ENTHD1: variants seen among roughly 807,000 people sequenced by gnomAD.
ENTHD1 encodes the protein ENTH domain containing 1.
In ENTHD1, 23 loss-of-function variants were observed where a neutral mutation model predicts 39.1. The observed-to-expected ratio is 0.59, with a 90% CI of 0.42 to 0.83. The LOEUF is 0.83. Ranked by LOEUF, ENTHD1 falls within the 40% of genes least tolerant of loss-of-function variation. ENTHD1 has a pLI of 0.00. For missense variants in ENTHD1, 624 were observed against 705.4 expected (o/e 0.88, Z 1.31); for synonymous variants, 230 against 258.2 (o/e 0.89, Z 1.05).
chr22:39,886,681 G>A (rs930965226), intron 2 of ENTHD1, among the ~76,000 whole-genome samples: 4 of 152,118 alleles, frequency 2.6e-5, no homozygotes, highest in Admixed American at 2.6e-4. Flanking sequence ...ACAGTAGCTA[G>A]AGAGGAAGCA....
chr22:39,879,322 G>A (rs932290709), intron 2 of ENTHD1, among the ~76,000 whole-genome samples: 13 of 151,622 alleles, frequency 8.6e-5, no homozygotes, highest in African/African-American at 3.1e-4. Flanking sequence ...AATTAGCTCG[G>A]TGTGGTGGTG....
At chr22:39,791,321 ATATAT>A (rs2056215584) in intron 5 of ENTHD1, among the ~76,000 whole-genome samples, 1 of 148,302 alleles carries the variant, frequency 6.7e-6, no homozygotes. Flanking sequence ...ATATATAAAG[ATATAT>A]TAAATATATA....
rs144276420 is a variant in ENTHD1 at position 39,770,030 on chromosome 22, A to G, written c.833-4421T>C. ...AGCATCTTCATTCAAAGATAGTTGTATCTTGTTAGGTAGACAAAGAGGGTT... is the reference window on the plus strand; with the variant it reads ...AGCATCTTCATTCAAAGATAGTTGTGTCTTGTTAGGTAGACAAAGAGGGTT... On this transcript the variant is annotated intron_variant, in intron 5 of 6. Transcript: ENST00000325157. 2.6e-5 allele frequency among the ~76,000 whole-genome samples: 4 copies of G among 152,322 alleles called. No homozygotes were observed. The East Asian group carries it at 7.7e-4, about 29-fold the overall frequency.
Position 39,826,849 on chromosome 22 carries a change from TA to T in ENTHD1, c.712-5737del, listed in dbSNP as rs113990842. Among the ~76,000 whole-genome samples, 667 of 137,234 alleles carry T rather than the reference TA, an allele frequency of 4.9e-3. 1 individual carries two copies. Among genetic ancestry groups the T allele is most frequent in the Admixed American group, 5.4e-3 (74 of 13,700 alleles). The allele number at this position is 137,234 out of a possible 152,430, so 90.0% of individuals were successfully genotyped here. ...AAGATGGCTCTAAAAAATAGTCTGTTAAAAAAAAAAAAAAAGATCAGAGTGA... is the reference window on the plus strand; with the variant it reads ...AAGATGGCTCTAAAAAATAGTCTGTTAAAAAAAAAAAAAAGATCAGAGTGA... On this transcript the variant is annotated intron_variant, in intron 4 of 6. Transcript: ENST00000325157.
chr22:39,793,740 G>T (rs2065524182), intron 5 of ENTHD1, among the ~76,000 whole-genome samples: 1 of 152,020 alleles, frequency 6.6e-6, no homozygotes, highest in Non-Finnish European at 1.5e-5. Flanking sequence ...GTATATTCTT[G>T]GCATCTTTGT....
At chr22:39,783,559 A>G (rs2065429197) in intron 5 of ENTHD1, among the ~76,000 whole-genome samples, 1 of 152,172 alleles carries the variant, frequency 6.6e-6, no homozygotes, top group African/African-American at 2.4e-5. Context: ...GCACAGACCA[A>G]TGGAACAGAA....
At chr22:39,826,134 C>T (rs1421158510) in intron 4 of ENTHD1, among the ~76,000 whole-genome samples, 3 of 152,152 alleles carry the variant, frequency 2.0e-5, no homozygotes, top group Admixed American at 1.3e-4. Flanking sequence ...CCGCCTGCCT[C>T]GGCCTCCCAA....
intron 3 of ENTHD1, among the ~76,000 whole-genome samples, chr22:39,860,467 C>A (rs570615973): frequency 2.4e-4 from 36 of 152,262 alleles, no homozygotes; most frequent in Admixed American, 1.8e-3. Flanking sequence ...AAGATCCCAC[C>A]ACTTTTAGAA....
At chr22:39,851,542 C>T (rs1218118690) in intron 3 of ENTHD1, among the ~76,000 whole-genome samples, 5 of 152,148 alleles carry the variant, frequency 3.3e-5, no homozygotes, top group African/African-American at 1.2e-4. Flanking sequence ...GAGCTCATTG[C>T]TTGTCTTAAA....
intron 5 of ENTHD1, among the ~76,000 whole-genome samples, chr22:39,767,391 A>G (rs1442528837): frequency 2.6e-5 from 4 of 152,164 alleles, no homozygotes; most frequent in Non-Finnish European, 5.9e-5. Flanking sequence ...TGGGAGGCTG[A>G]GGTGGGAAAA....
chr22:39,758,973 G>A (rs1475273238), intron 6 of ENTHD1, among the ~76,000 whole-genome samples: 1 of 152,054 alleles, frequency 6.6e-6, no homozygotes, highest in Admixed American at 6.5e-5. Context: ...TGGTCATGAT[G>A]TATTATTATT....
At chr22:39,764,505 G>A (rs1270302049) in intron 6 of ENTHD1, among the ~76,000 whole-genome samples, 1 of 152,010 alleles carries the variant, frequency 6.6e-6, no homozygotes, top group African/African-American at 2.4e-5. Context: ...ATATTTATAT[G>A]AGTTGGTTAG....
chr22:39,866,629 C>A (rs540408681), intron 2 of ENTHD1, among the ~76,000 whole-genome samples: 1 of 152,188 alleles, frequency 6.6e-6, no homozygotes, highest in Non-Finnish European at 1.5e-5. Context: ...AAGCCTTCCA[C>A]GGACAGTGAA....
rs115658757 is a variant in ENTHD1 at position 39,873,434 on chromosome 22, G to T, written c.350-11427C>A. Among the ~76,000 whole-genome samples the T allele has an allele frequency of 5.5e-3, 838 of 152,242 alleles. 8 individuals carry two copies. Among genetic ancestry groups the T allele is most frequent in the Middle Eastern group, 0.02 (6 of 294 alleles). On this transcript the variant is annotated intron_variant, in intron 2 of 6. Coordinates refer to ENST00000325157, the MANE Select transcript of ENTHD1 (RefSeq NM_152512.4). ...ATTAAGTTCACACTAGTATTTCAGT[G>T]AAACCCCATTTGGATATTTTTAAGA...
intron 2 of ENTHD1, among the ~76,000 whole-genome samples, 176 bp downstream of exon 2, chr22:39,887,224 G>A (rs575541703): frequency 5.9e-5 from 9 of 152,038 alleles, no homozygotes; most frequent in Non-Finnish European, 8.8e-5. Context: ...TTTAGAGATC[G>A]GGGTCTCTCT....
At chr22:39,790,745 G>A (rs1248843418) in intron 5 of ENTHD1, among the ~76,000 whole-genome samples, 2 of 152,182 alleles carry the variant, frequency 1.3e-5, no homozygotes, top group African/African-American at 4.8e-5. Context: ...ACTAGTTCTT[G>A]GTGTCTCCAA....
chr22:39,887,803 T>G lies in ENTHD1; in HGVS notation c.-55A>C. The G allele has an allele frequency of 7.6e-7, 1 of 1,320,066 alleles. No individual in the cohort carries two copies. Among genetic ancestry groups the G allele is most frequent in the Non-Finnish European group, 1.0e-6 (1 of 965,868 alleles). The allele number at this position is 1,320,066 out of a possible 1,614,324, so 81.8% of individuals were successfully genotyped here. A position where few individuals can be genotyped will look rare whatever the true frequency, so the allele number is the denominator to read the frequency against. ...GGATGAAAGCAATGGAATAACAGTT[T>G]ATGTCACGGGTTTATAAAACTCTTG... On this transcript the variant is annotated 5_prime_UTR_variant, in exon 2 of 7. Transcript: ENST00000325157.
At chr22:39,839,608 A>G (rs1419690156) in intron 3 of ENTHD1, among the ~76,000 whole-genome samples, 2 of 152,234 alleles carry the variant, frequency 1.3e-5, no homozygotes, top group African/African-American at 4.8e-5. Context: ...TGAATAATTA[A>G]AATGAGCTTA....
intron 5 of ENTHD1, among the ~76,000 whole-genome samples, chr22:39,799,697 C>A (rs564967480): frequency 6.6e-6 from 1 of 152,186 alleles, no homozygotes; most frequent in East Asian, 1.9e-4. Flanking sequence ...AGCCACTCCA[C>A]GCTGATTTAC....
Sources: gnomAD v4.1 joint callset for allele counts (sites outside exome capture counted in the v4.1 genomes callset) on GRCh38, gnomAD v4.1.1 for gene constraint, MANE v1.5 for transcripts, NCBI Gene and HGNC (gene_info 2026-07-23, HGNC 2026-07-21) for gene names.